CFAP251: variants seen among roughly 807,000 people sequenced by gnomAD.
CFAP251 encodes the protein cilia- and flagella-associated protein 251.
A neutral mutation model predicts 126.7 loss-of-function variants in CFAP251; 93 were observed. The ratio of observed to expected loss-of-function variants is 0.73; its 90% confidence interval spans 0.62 to 0.87. CFAP251 has a LOEUF of 0.87. Among genes scored for constraint, CFAP251 ranks in the 40% least tolerant of loss-of-function variants. The probability of loss-of-function intolerance (pLI) is 0.00; values close to 1 mark genes in which losing one functional copy is unlikely to be tolerated. For missense variants in CFAP251, 1,287 were observed against 1,389.2 expected (o/e 0.93, Z 1.17); for synonymous variants, 503 against 506.9 (o/e 0.99, Z 0.10).
chr12:121,954,036 C>A, intron 9 of CFAP251, 84 bp from the exon 10 acceptor site: 1 of 1,185,304 alleles, frequency 8.4e-7, no homozygotes, highest in Non-Finnish European at 1.2e-6. Flanking sequence ...TATATTTCAG[C>A]ATAGCATTAT....
At chr12:121,936,319 T>C (rs1276956922) in intron 5 of CFAP251, among the ~76,000 whole-genome samples, 3 of 152,164 alleles carry the variant, frequency 2.0e-5, no homozygotes, top group Non-Finnish European at 4.4e-5. Flanking sequence ...TGGTGGTGCA[T>C]GCCTGTAGTC....
chr12:121,933,306 G>C (rs149862443), intron 4 of CFAP251: 21 of 152,572 alleles, frequency 1.4e-4, no homozygotes, highest in African/African-American at 5.0e-4. Flanking sequence ...GCCAAAGACA[G>C]TCTGGGGGAG....
At chr12:121,990,309 C>T (rs551754684) in intron 19 of CFAP251, among the ~76,000 whole-genome samples, 11 of 152,292 alleles carry the variant, frequency 7.2e-5, no homozygotes, top group South Asian at 4.1e-4. Flanking sequence ...ACAGCAGCCC[C>T]GGGGCACCCT....
rs116872850 is a variant in CFAP251, at chr12:121,980,434, G to T, written c.3006+4749G>T. Reference sequence around the variant, plus strand: ...TTTTTTTTTTTTTTTTTGGAGACAGGGTCTCACTGTGTCACCTGGTCCTCC... The same window carrying T: ...TTTTTTTTTTTTTTTTTGGAGACAGTGTCTCACTGTGTCACCTGGTCCTCC... On this transcript the variant is annotated intron_variant, in intron 19 of 21. Transcript: ENST00000288912. Among the ~76,000 whole-genome samples the T allele has an allele frequency of 2.4e-3, 355 of 150,214 alleles. 4 individuals carry two copies. In the East Asian group the frequency reaches 0.05, roughly 21 times the overall value.
intron 5 of CFAP251, among the ~76,000 whole-genome samples, chr12:121,942,084 CTAT>C (rs1179373085): frequency 6.6e-6 from 1 of 152,208 alleles, no homozygotes; most frequent in Non-Finnish European, 1.5e-5. Flanking sequence ...TTAGGCTTGA[CTAT>C]TATTGTTGTT....
At chr12:121,943,321 A>G (rs1011025500) in intron 7 of CFAP251, among the ~76,000 whole-genome samples, 3 of 152,236 alleles carry the variant, frequency 2.0e-5, no homozygotes, top group African/African-American at 7.2e-5. Flanking sequence ...TCAAAAAAAC[A>G]AAAACAAAGT....
chr12:121,950,712 C>G (rs1414314018), intron 8 of CFAP251: 1 of 151,778 alleles, frequency 6.6e-6, no homozygotes, highest in Non-Finnish European at 1.5e-5. Context: ...AACCTGCCAC[C>G]ACACCTGGCT....
intron 19 of CFAP251, among the ~76,000 whole-genome samples, chr12:121,987,908 A>G (rs954995139): frequency 6.6e-6 from 1 of 152,092 alleles, no homozygotes; most frequent in Admixed American, 6.6e-5. Context: ...CAAAGAAGGA[A>G]GAAAACCCTA....
chr12:121,975,396 G>A, intron 18 of CFAP251, 62 bp downstream of exon 18: 1 of 1,574,698 alleles, frequency 6.4e-7, no homozygotes. Flanking sequence ...AAGCAAATGT[G>A]CCCAGGGTTA....
intron 17 of CFAP251, among the ~76,000 whole-genome samples, chr12:121,973,271 G>C (rs1882381217): frequency 6.6e-6 from 1 of 152,252 alleles, no homozygotes; most frequent in Admixed American, 6.5e-5. Flanking sequence ...GTCCACAGAA[G>C]TCAAGAATTG....
chr12:121,922,651 C>T (rs1405580680), intron 2 of CFAP251, among the ~76,000 whole-genome samples: 1 of 149,912 alleles, frequency 6.7e-6, no homozygotes, highest in Non-Finnish European at 1.5e-5. Context: ...AAGAATAGGT[C>T]ACTGTCTGTA....
chr12:121,928,626 G>GTGTATATA (rs148145141), intron 3 of CFAP251, among the ~76,000 whole-genome samples: 4,548 of 43,118 alleles, frequency 0.11, 488 homozygotes, highest in African/African-American at 0.34. Flanking sequence ...ATGTATATGT[G>GTGTATATA]TATATATATA....
In CFAP251 at chr12:122,001,055, CTT is replaced by C. The variant is rs1177422104; in HGVS notation, c.3236-424_3236-423del. Among the ~76,000 whole-genome samples, 182 of 117,362 alleles carry C rather than the reference CTT, an allele frequency of 1.6e-3. 1 individual carries two copies. Among genetic ancestry groups the C allele is most frequent in the Middle Eastern group, 4.2e-3 (1 of 240 alleles). The allele number at this position is 117,362 out of a possible 152,430, so 77.0% of individuals were successfully genotyped here. Reference sequence around the variant, plus strand: ...AGAAAAGTTTTTATTGTTTTTGTTGCTTTTTTTTTTTTTTTTTTTGAGACAGA... The same window carrying C: ...AGAAAAGTTTTTATTGTTTTTGTTGCTTTTTTTTTTTTTTTTTGAGACAGA... On this transcript the variant is annotated intron_variant, in intron 20 of 21. Coordinates refer to ENST00000288912, the MANE Select transcript of CFAP251 (RefSeq NM_144668.6).
chr12:121,976,574 G>A (rs998859471), intron 19 of CFAP251, among the ~76,000 whole-genome samples: 1 of 152,140 alleles, frequency 6.6e-6, no homozygotes, highest in African/African-American at 2.4e-5. Context: ...GAGTCAAGAA[G>A]CATCTCAGGG....
At chr12:121,998,331 G>A (rs1883066950) in intron 19 of CFAP251, 1 of 150,338 alleles carries the variant, frequency 6.7e-6, no homozygotes, top group African/African-American at 2.5e-5. Context: ...GGATTACAGG[G>A]GTGAGCCACT....
chr12:121,969,815 G>A (rs1297800855), intron 17 of CFAP251: 9 of 985,244 alleles, frequency 9.1e-6, no homozygotes, highest in South Asian at 9.4e-5. Flanking sequence ...CTTCTCAGTC[G>A]TCGTGGGATC....
At chr12:121,928,068 T>G (rs1158337363) in intron 3 of CFAP251, among the ~76,000 whole-genome samples, 1 of 152,226 alleles carries the variant, frequency 6.6e-6, no homozygotes, top group Non-Finnish European at 1.5e-5. Context: ...TACCACTAAG[T>G]GAAGTCAGCC....
At chr12:121,938,688 T>G (rs2135759221) in intron 5 of CFAP251, among the ~76,000 whole-genome samples, 2 of 149,998 alleles carry the variant, frequency 1.3e-5, no homozygotes, top group African/African-American at 4.9e-5. Context: ...ACTCTTAAAT[T>G]TAATGAAAAC....
intron 5 of CFAP251, among the ~76,000 whole-genome samples, chr12:121,941,447 C>A (rs1449983458): frequency 6.6e-6 from 1 of 151,156 alleles, no homozygotes; most frequent in African/African-American, 2.4e-5. Context: ...GATACTCCCA[C>A]CTCAGCCTCC....
Sources: allele counts gnomAD v4.1 joint callset (sites outside exome capture counted in the v4.1 genomes callset), GRCh38; gene constraint gnomAD v4.1.1; transcripts MANE v1.5; gene names NCBI Gene and HGNC (gene_info 2026-07-23, HGNC 2026-07-21).